The following ULK4 variants were observed in gnomAD, a reference collection of about 807,000 sequenced individuals.
ULK4 encodes the protein unc-51 like kinase 4.
A neutral mutation model predicts 160.6 loss-of-function variants in ULK4; 133 were observed. That is an observed-to-expected ratio of 0.83 (90% confidence interval 0.72 to 0.96). The LOEUF is 0.96. Ranked by LOEUF, ULK4 falls within the 40% of genes least tolerant of loss-of-function variation. ULK4 has a pLI of 0.00. For synonymous variants in ULK4, 534 were observed against 539.8 expected (o/e 0.99, Z 0.15); for missense variants, 1,580 against 1,499.5 (o/e 1.05, Z -0.89).
chr3:41,853,090 T>G (rs146608175), intron 17 of ULK4, among the ~76,000 whole-genome samples: 1 of 152,328 alleles, frequency 6.6e-6, no homozygotes, highest in East Asian at 1.9e-4. Context: ...TTCCCCAGCA[T>G]ACTCTGGAGC....
chr3:41,350,496 T>A (rs1455355994), intron 35 of ULK4, among the ~76,000 whole-genome samples: 2 of 152,198 alleles, frequency 1.3e-5, no homozygotes, highest in Non-Finnish European at 2.9e-5. Context: ...AAAACTACAA[T>A]TTGACGGCTT....
At chr3:41,842,190 TA>T (rs908969064) in intron 17 of ULK4, among the ~76,000 whole-genome samples, 12 of 71,936 alleles carry the variant, frequency 1.7e-4, no homozygotes, top group Non-Finnish European at 3.4e-4. Flanking sequence ...AAAAAAAAAA[TA>T]AAAAAAAAGA....
chr3:41,946,403 G>A (rs561021559), intron 2 of ULK4, among the ~76,000 whole-genome samples: 1 of 152,194 alleles, frequency 6.6e-6, no homozygotes, highest in Non-Finnish European at 1.5e-5. Context: ...CATCTGGAGA[G>A]GGCAGGAGGC....
At chr3:41,279,255 T>TA (rs771175184) in intron 35 of ULK4, among the ~76,000 whole-genome samples, 310 of 43,038 alleles carry the variant, frequency 7.2e-3, no homozygotes, top group East Asian at 0.019. Flanking sequence ...AAAAAAAGAG[T>TA]AAAAAAAAAA....
chr3:41,883,246 T>A (rs113726471), intron 17 of ULK4, among the ~76,000 whole-genome samples: 9,028 of 149,782 alleles, frequency 0.06, 852 homozygotes, highest in African/African-American at 0.21. Flanking sequence ...AAGACAGACA[T>A]AGAAATTTTT....
intron 18 of ULK4, among the ~76,000 whole-genome samples, chr3:41,822,845 C>A (rs1345674008): frequency 6.6e-6 from 1 of 151,430 alleles, no homozygotes; most frequent in Non-Finnish European, 1.5e-5. Flanking sequence ...CCTCAGCCTC[C>A]CAAGTAGCTG....
At chr3:41,253,566 T>C (rs2078777118) in intron 35 of ULK4, among the ~76,000 whole-genome samples, 2 of 151,172 alleles carry the variant, frequency 1.3e-5, no homozygotes, top group African/African-American at 2.4e-5. Context: ...ATATTAAAAA[T>C]GTTCAAATAG....
At chr3:41,840,663 C>T (rs977350992) in intron 17 of ULK4, among the ~76,000 whole-genome samples, 3 of 152,234 alleles carry the variant, frequency 2.0e-5, no homozygotes, top group Admixed American at 6.5e-5. Flanking sequence ...GACGGAGTCT[C>T]GCTCACTCAA....
At chr3:41,756,016 C>G (rs1450832575) in intron 21 of ULK4, among the ~76,000 whole-genome samples, 1 of 152,108 alleles carries the variant, frequency 6.6e-6, no homozygotes, top group Admixed American at 6.5e-5. Context: ...GAGAGAGAGA[C>G]AAATTATAAA....
intron 19 of ULK4, among the ~76,000 whole-genome samples, chr3:41,812,821 G>A (rs2040855725): frequency 6.7e-6 from 1 of 149,144 alleles, no homozygotes. Flanking sequence ...GGAATATTTG[G>A]CATTGAATTT....
intron 6 of ULK4, among the ~76,000 whole-genome samples, chr3:41,919,261 T>C (rs563810544): frequency 1.3e-5 from 2 of 152,358 alleles, no homozygotes; most frequent in South Asian, 4.1e-4. Context: ...TATGCCTAGA[T>C]ACCAAGCAAC....
intron 35 of ULK4, among the ~76,000 whole-genome samples, chr3:41,314,042 G>A (rs1484695984): frequency 6.6e-6 from 1 of 152,154 alleles, no homozygotes; most frequent in South Asian, 2.1e-4. Context: ...ACCTAAGAGT[G>A]AGCCTTCAGA....
chr3:41,484,508 A>T (rs993783126), intron 32 of ULK4, among the ~76,000 whole-genome samples: 9 of 139,876 alleles, frequency 6.4e-5, no homozygotes, highest in Non-Finnish European at 7.6e-5. Context: ...GCTGGAGTGC[A>T]GTGGTGCAAT....
At chr3:41,440,873 T>C (rs2083150664) in intron 34 of ULK4, among the ~76,000 whole-genome samples, 1 of 152,132 alleles carries the variant, frequency 6.6e-6, no homozygotes, top group Non-Finnish European at 1.5e-5. Flanking sequence ...TTTAATAGTT[T>C]GTACCTTTCA....
At chr3:41,906,137 A>T (rs1198507738) in intron 12 of ULK4, among the ~76,000 whole-genome samples, 1 of 138,810 alleles carries the variant, frequency 7.2e-6, no homozygotes, top group East Asian at 2.4e-4. Context: ...GAATGGCGTG[A>T]ACCCGGGAGG....
chr3:41,399,910 C>A (rs1021381205), intron 34 of ULK4, among the ~76,000 whole-genome samples: 1 of 152,154 alleles, frequency 6.6e-6, no homozygotes, highest in Non-Finnish European at 1.5e-5. Context: ...CAATCACGCC[C>A]ATGTTTTCTT....
chr3:41,580,561 T>C (rs2030229698), intron 31 of ULK4, among the ~76,000 whole-genome samples: 1 of 152,020 alleles, frequency 6.6e-6, no homozygotes, highest in African/African-American at 2.4e-5. Context: ...GGCATCCAAA[T>C]CACTGTCACC....
At chr3:41,288,142 T>C (rs9879363) in intron 35 of ULK4, among the ~76,000 whole-genome samples, 45,366 of 152,048 alleles carry the variant, frequency 0.3, 7,110 homozygotes, top group Middle Eastern at 0.36. Context: ...TATAGTTTTG[T>C]GGAAAATCAA....
In ULK4 at chr3:41,598,502, C is replaced by T. The variant is rs77489850; in HGVS notation, c.3120+17167G>A. Among the ~76,000 whole-genome samples the T allele has an allele frequency of 3.0e-4, 45 of 152,210 alleles. No homozygotes were observed. In the East Asian group the frequency reaches 7.5e-3, roughly 25 times the overall value. On this transcript the variant is annotated intron_variant, in intron 31 of 36. Coordinates refer to ENST00000301831, the MANE Select transcript of ULK4 (RefSeq NM_017886.4). ...AGAGCAAAATCAATCATTTTTACAA[C>T]GAAACCTAGAAATTGCCACAGTTAT...
Sources: allele counts gnomAD v4.1 joint callset (sites outside exome capture counted in the v4.1 genomes callset), GRCh38; gene constraint gnomAD v4.1.1; transcripts MANE v1.5; gene names NCBI Gene and HGNC (gene_info 2026-07-23, HGNC 2026-07-21).